SP1: variants seen among roughly 807,000 people sequenced by gnomAD.
The protein encoded by SP1 is Sp1 transcription factor.
SP1 carries 6 observed loss-of-function variants against 66.3 expected under a neutral mutation model. The observed-to-expected ratio is 0.09, with a 90% CI of 0.05 to 0.18. The LOEUF (loss-of-function observed/expected upper bound fraction) is 0.18, where lower values mean the gene tolerates loss of function less well. Among genes scored for constraint, SP1 ranks in the 10% least tolerant of loss-of-function variants. The pLI is 1.00. For missense variants in SP1, 848 were observed against 964.5 expected (o/e 0.88, Z 1.60); for synonymous variants, 417 against 360.8 (o/e 1.16, Z -1.77).
At chr12:53,390,495 C>T (rs1386454319) in intron 3 of SP1, among the ~76,000 whole-genome samples, 1 of 152,092 alleles carries the variant, frequency 6.6e-6, no homozygotes, top group Non-Finnish European at 1.5e-5. Context: ...CCAGCCTGGA[C>T]AACATGGTGA....
At chr12:53,399,130 T>G (rs74090765) in intron 3 of SP1, among the ~76,000 whole-genome samples, 27,755 of 152,152 alleles carry the variant, frequency 0.18, 2,640 homozygotes, top group African/African-American at 0.21. Flanking sequence ...GGTATTTGTA[T>G]TAGAATTACT....
In SP1 at chr12:53,383,223, A is replaced by T; in HGVS notation, c.1276A>T (p.Thr426Ser). 6.2e-7 allele frequency: 1 copy of T among 1,614,186 alleles called. No individual in the cohort carries two copies. Among genetic ancestry groups the T allele is most frequent in the Non-Finnish European group, 8.5e-7 (1 of 1,180,028 alleles). ...QAAPLSGQTF[T>S]TQAISQETLQ... ...AGCACCATTGTCAGGGCAGACCTTT[A>T]CAACTCAAGCCATCTCCCAGGAAAC... The change falls in exon 3 of 6, where the codon ACA becomes TCA. Residue 426 changes from threonine (T) to serine (S), a missense_variant. Coordinates refer to ENST00000327443, the MANE Select transcript of SP1 (RefSeq NM_138473.3).
chr12:53,405,447 T>TG (rs1176017716), intron 3 of SP1, among the ~76,000 whole-genome samples: 2 of 151,974 alleles, frequency 1.3e-5, no homozygotes, highest in African/African-American at 4.8e-5. Context: ...GGCGGGTGGA[T>TG]CACCTAAGGT....
In SP1 at chr12:53,411,060, G is replaced by A. The variant is rs756912448; in HGVS notation, c.2178G>A (p.Leu726=). Residue 726 remains leucine, a synonymous_variant, in exon 6 of 6, where the codon CTG becomes CTA. Transcript: ENST00000327443. ...GVALSVGTLP[L]DSGAGSEGSG... is the part of the protein sequence containing the mutation. The stretch of plus-strand genomic sequence containing the variant: ...CTCTGAGTGTGGGCACTTTGCCCCT[G>A]GACAGTGGGGCAGGTTCAGAAGGCA... 60 of 1,613,996 alleles carry A rather than the reference G, an allele frequency of 3.7e-5. No homozygotes were observed. Among genetic ancestry groups the A allele is most frequent in the Non-Finnish European group, 4.9e-5 (58 of 1,179,990 alleles).
chr12:53,380,553 C>A (rs917206863), intron 1 of SP1: 14 of 707,442 alleles, frequency 2.0e-5, no homozygotes, highest in Non-Finnish European at 2.4e-5. Flanking sequence ...GCCCCGGCCA[C>A]GGGGGACGGG....
In SP1 at chr12:53,383,574, C is replaced by G; in HGVS notation, c.1627C>G (p.Gln543Glu). 2 of 1,613,396 alleles carry G rather than the reference C, an allele frequency of 1.2e-6. No homozygotes were observed. The highest frequency in any genetic ancestry group is 1.7e-6 in the Non-Finnish European group (2 of 1,179,676). The change falls in exon 3 of 6, where the codon CAG (glutamine) becomes GAG (glutamate). Residue 543 changes from glutamine to glutamate, a missense_variant. Physicochemically the swap from Gln to Glu is conservative, Grantham distance 29. Around this residue, in one of 7 missense-constraint regions of SP1, gnomAD observed 606 missense variants for 589.9 expected, o/e 1.03. Transcript: ENST00000327443. Reference sequence around the variant, plus strand: ...CAGTGCATTGGGTACTTCAGGAATCCAGGTGCACCCAATTCAAGGCCTGCC... The same window carrying G: ...CAGTGCATTGGGTACTTCAGGAATCGAGGTGCACCCAATTCAAGGCCTGCC... ...NLSALGTSGI[Q>E]VHPIQGLPLA...
At chr12:53,386,480 T>A (rs1434617273) in intron 3 of SP1, among the ~76,000 whole-genome samples, 3 of 89,742 alleles carry the variant, frequency 3.3e-5, no homozygotes, top group Admixed American at 2.3e-4. Context: ...AGACTGTATC[T>A]TTTTTTTTTT....
chr12:53,381,179 C>T (rs1938088108), intron 1 of SP1: 1 of 152,568 alleles, frequency 6.6e-6, no homozygotes, highest in South Asian at 2.0e-4. Context: ...CTCAAAACTC[C>T]CGACCCCAGG....
In SP1 at chr12:53,411,136, G is replaced by C. The variant is rs762932043; in HGVS notation, c.2254G>C (p.Glu752Gln). Reference protein sequence around the residue: ...ALITTNMVAMEAICPEGIARL... With the variant: ...ALITTNMVAMQAICPEGIARL... ...TATTACCACCAATATGGTAGCCATG[G>C]AGGCCATCTGTCCAGAGGGCATTGC... Residue 752 changes from glutamate (E) to glutamine (Q), a missense_variant, in exon 6 of 6, where the codon GAG becomes CAG. Glu to Gln is a conservative substitution (Grantham distance 29, BLOSUM62 2). Coordinates refer to ENST00000327443, the MANE Select transcript of SP1 (RefSeq NM_138473.3). 6.2e-7 allele frequency: 1 copy of C among 1,614,106 alleles called. No individual in the cohort carries two copies. The highest frequency in any genetic ancestry group is 8.5e-7 in the Non-Finnish European group (1 of 1,179,942).
In SP1 at chr12:53,411,105, A is replaced by G. The variant is rs1470611242; in HGVS notation, c.2223A>G (p.Ser741=). 1.2e-6 allele frequency: 2 copies of G among 1,614,126 alleles called. No homozygotes were observed. The highest frequency in any genetic ancestry group is 1.7e-5 in the Admixed American group (1 of 60,008). The stretch of plus-strand genomic sequence containing the variant: ...AAGGCAGTGGCACTGCCACTCCTTC[A>G]GCCCTTATTACCACCAATATGGTAG... The part of the protein sequence containing the change: ...GSEGSGTATP[S]ALITTNMVAM... Residue 741 remains serine, a synonymous_variant, in exon 6 of 6, where the codon TCA becomes TCG. Coordinates refer to ENST00000327443, the MANE Select transcript of SP1 (RefSeq NM_138473.3).
At chr12:53,389,244 G>A (rs1364175211) in intron 3 of SP1, among the ~76,000 whole-genome samples, 3 of 139,472 alleles carry the variant, frequency 2.2e-5, no homozygotes, top group Non-Finnish European at 3.1e-5. Context: ...TTTGGGAGAC[G>A]GAGTTTCATT....
At chr12:53,410,284 G>A (rs1938850601) in intron 5 of SP1, among the ~76,000 whole-genome samples, 2 of 151,916 alleles carry the variant, frequency 1.3e-5, no homozygotes, top group Non-Finnish European at 1.5e-5. Flanking sequence ...CAGCCTAGGC[G>A]ACAGAGCAAG....
chr12:53,385,017 G>T (rs1019770480), intron 3 of SP1, among the ~76,000 whole-genome samples: 1 of 151,826 alleles, frequency 6.6e-6, no homozygotes, highest in East Asian at 1.9e-4. Context: ...TCGGGTGGCT[G>T]GGCACGGTGG....
At chr12:53,409,045 C>T (rs908088359) in intron 4 of SP1, among the ~76,000 whole-genome samples, 1 of 151,610 alleles carries the variant, frequency 6.6e-6, no homozygotes, top group African/African-American at 2.4e-5. Flanking sequence ...GCCAACATTG[C>T]GAAACCTCAT....
At chr12:53,393,496 T>C (rs1938403045) in intron 3 of SP1, among the ~76,000 whole-genome samples, 1 of 151,830 alleles carries the variant, frequency 6.6e-6, no homozygotes, top group Admixed American at 6.6e-5. Flanking sequence ...TTTTTCAGGC[T>C]GGTGTCGAAC....
At position 53,409,215 on chromosome 12, in the gene SP1, ACT is replaced by A. The variant is rs1016967256; in HGVS notation, c.1845-141_1845-140del. ...ACTCCAGCCTGGACGACAGAGTGAGACTCTCTCAAAAAAACAAAAAAGAAGAC... is the reference window on the plus strand; with the variant it reads ...ACTCCAGCCTGGACGACAGAGTGAGACTCTCAAAAAAACAAAAAAGAAGAC... On this transcript the variant is annotated intron_variant, in intron 4 of 5. Coordinates refer to ENST00000327443, the MANE Select transcript of SP1 (RefSeq NM_138473.3). The A allele has an allele frequency of 3.7e-5, 23 of 618,754 alleles. 1 individual carries two copies. The South Asian group carries it at 4.0e-4, about 11-fold the overall frequency. The allele number at this position is 618,754 out of a possible 1,614,324, so 38.3% of individuals were successfully genotyped here.
chr12:53,400,691 C>T (rs918548902), intron 3 of SP1, among the ~76,000 whole-genome samples: 8 of 151,156 alleles, frequency 5.3e-5, no homozygotes, highest in Non-Finnish European at 1.0e-4. Flanking sequence ...CGGGTTCAAG[C>T]GATTCTCCTG....
At chr12:53,380,362 G>T in intron 1 of SP1, 64 bp downstream of exon 1, 1 of 1,346,176 alleles carries the variant, frequency 7.4e-7, no homozygotes, top group South Asian at 1.7e-5. Context: ...CGCGAGGGCC[G>T]ACCGGGCGAT....
intron 3 of SP1, among the ~76,000 whole-genome samples, chr12:53,384,033 G>A (rs1469866831): frequency 8.0e-5 from 12 of 150,556 alleles, no homozygotes; most frequent in South Asian, 4.2e-4. Context: ...GCAGTGGCGC[G>A]ATCTCGGCTC....
Sources: allele counts gnomAD v4.1 joint callset (sites outside exome capture counted in the v4.1 genomes callset), GRCh38; gene constraint gnomAD v4.1.1; regional missense constraint gnomAD v4.1.1; transcripts MANE v1.5; gene names NCBI Gene and HGNC (gene_info 2026-07-23, HGNC 2026-07-21).